Variants in FOCAD observed in about 807,000 individuals in gnomAD.
FOCAD encodes the protein focadhesin, also known as KIAA1797.
A neutral mutation model predicts 225.6 loss-of-function variants in FOCAD; 198 were observed. That is an observed-to-expected ratio of 0.88 (90% CI 0.78 to 0.99). FOCAD has a LOEUF of 0.99. FOCAD is among the 50% of genes least tolerant of loss of function. The pLI is 0.00. For synonymous variants in FOCAD, 897 were observed against 755.0 expected (o/e 1.19, Z -3.08); for missense variants, 2,713 against 2,123.6 (o/e 1.28, Z -5.46).
At chr9:20,702,309 G>C (rs1241559634) in intron 1 of FOCAD, among the ~76,000 whole-genome samples, 1 of 152,036 alleles carries the variant, frequency 6.6e-6, no homozygotes, top group Non-Finnish European at 1.5e-5. Context: ...TCACTATGTT[G>C]CCTAGGTTGA....
intron 11 of FOCAD, among the ~76,000 whole-genome samples, chr9:20,809,513 A>G (rs890909948): frequency 1.3e-5 from 2 of 152,134 alleles, no homozygotes; most frequent in African/African-American, 2.4e-5. Context: ...GTATTGGGCA[A>G]CCTAGCTCTA....
upstream of FOCAD, among the ~76,000 whole-genome samples, chr9:20,681,945 C>T (rs1227343617): frequency 6.6e-6 from 1 of 152,278 alleles, no homozygotes; most frequent in East Asian, 1.9e-4. Flanking sequence ...CTGTGGCCTA[C>T]ATGTTTGTGT....
intron 21 of FOCAD, among the ~76,000 whole-genome samples, chr9:20,889,343 G>T (rs1831407616): frequency 6.6e-6 from 1 of 152,098 alleles, no homozygotes; most frequent in African/African-American, 2.4e-5. Context: ...ATACTTCTCT[G>T]CATGGATATA....
At chr9:20,763,206 G>A (rs1461438494) in intron 6 of FOCAD, among the ~76,000 whole-genome samples, 2 of 152,154 alleles carry the variant, frequency 1.3e-5, no homozygotes, top group African/African-American at 4.8e-5. Flanking sequence ...AAATGATTGA[G>A]CATCTCTTTG....
At chr9:20,923,546 T>A in intron 24 of FOCAD, 114 bp from the exon 25 acceptor site, 1 of 672,662 alleles carries the variant, frequency 1.5e-6, no homozygotes. Context: ...TTTACAAGAC[T>A]CTGTGAAGGA....
intron 19 of FOCAD, among the ~76,000 whole-genome samples, chr9:20,876,089 C>A (rs1325369699): frequency 2.0e-5 from 3 of 152,114 alleles, no homozygotes; most frequent in Non-Finnish European, 4.4e-5. Context: ...GACAAAGCTC[C>A]TTTTACAGTT....
chr9:20,777,486 T>C (rs889509381), intron 8 of FOCAD, among the ~76,000 whole-genome samples: 9 of 152,134 alleles, frequency 5.9e-5, no homozygotes, highest in African/African-American at 1.9e-4. Context: ...TATTAATATT[T>C]ATTAAAACCT....
At chr9:20,704,488 A>G (rs186949460) in intron 1 of FOCAD, among the ~76,000 whole-genome samples, 3 of 152,342 alleles carry the variant, frequency 2.0e-5, no homozygotes, top group Admixed American at 6.5e-5. Flanking sequence ...ATCAGTCTAT[A>G]TAGTTCTTTT....
chr9:20,922,777 G>T (rs932835609), intron 24 of FOCAD, among the ~76,000 whole-genome samples: 3 of 152,232 alleles, frequency 2.0e-5, no homozygotes, highest in South Asian at 4.1e-4. Flanking sequence ...CGATCTGATG[G>T]TATGGGTGCT....
At chr9:20,928,088 A>G (rs1340893153) in intron 26 of FOCAD, among the ~76,000 whole-genome samples, 4 of 152,198 alleles carry the variant, frequency 2.6e-5, no homozygotes, top group African/African-American at 9.6e-5. Flanking sequence ...AAAACTTTAG[A>G]TGCTTATGGA....
At chr9:20,817,299 G>A (rs1045151374) in intron 11 of FOCAD, among the ~76,000 whole-genome samples, 2 of 151,910 alleles carry the variant, frequency 1.3e-5, no homozygotes, top group Admixed American at 6.6e-5. Flanking sequence ...TTACTACAAC[G>A]AATTTGAGAA....
intron 26 of FOCAD, among the ~76,000 whole-genome samples, chr9:20,928,267 C>T (rs1835145838): frequency 6.6e-6 from 1 of 152,018 alleles, no homozygotes; most frequent in South Asian, 2.1e-4. Context: ...TTTTCAAAGC[C>T]CTGTTTTAAA....
At chr9:20,870,048 GTT>G in intron 18 of FOCAD, among the ~76,000 whole-genome samples, 1 of 152,218 alleles carries the variant, frequency 6.6e-6, no homozygotes, top group East Asian at 1.9e-4. Flanking sequence ...CTATGGAGAA[GTT>G]TCCTTGTTAA....
chr9:20,671,177 G>T (rs147061334), intron 2 of FOCAD, among the ~76,000 whole-genome samples: 1 of 151,514 alleles, frequency 6.6e-6, no homozygotes, highest in South Asian at 2.1e-4. Context: ...AATATGTCAG[G>T]CCAATTAGAA....
At chr9:20,689,656 G>C (rs1822863074) in intron 1 of FOCAD, among the ~76,000 whole-genome samples, 1 of 152,184 alleles carries the variant, frequency 6.6e-6, no homozygotes, top group Admixed American at 6.5e-5. Flanking sequence ...AGCTTGGGAA[G>C]GAGTGAGAGA....
At chr9:20,813,383 A>G (rs1823295852) in intron 11 of FOCAD, among the ~76,000 whole-genome samples, 1 of 152,136 alleles carries the variant, frequency 6.6e-6, no homozygotes. Context: ...CAACCTCAAG[A>G]TCGATCATAG....
At chr9:20,948,495 T>A in intron 31 of FOCAD, 102 bp downstream of exon 31, 2 of 1,264,262 alleles carry the variant, frequency 1.6e-6, no homozygotes, top group Non-Finnish European at 2.2e-6. Flanking sequence ...ACGTTAATGG[T>A]AAAAGAATAG....
At chr9:20,944,863 C>G (rs1837030594) in intron 29 of FOCAD, 89 bp downstream of exon 29, 4 of 1,325,536 alleles carry the variant, frequency 3.0e-6, no homozygotes, top group Non-Finnish European at 4.0e-6. Flanking sequence ...TTTTGGTAAC[C>G]CTATAAATTA....
intron 21 of FOCAD, among the ~76,000 whole-genome samples, chr9:20,891,436 A>G (rs1018651254): frequency 6.6e-6 from 1 of 152,340 alleles, no homozygotes; most frequent in South Asian, 2.1e-4. Flanking sequence ...TTTGAATGCA[A>G]AGAAAAGGTT....
Sources: gnomAD v4.1 joint callset for allele counts (sites outside exome capture counted in the v4.1 genomes callset) on GRCh38, gnomAD v4.1.1 for gene constraint, MANE v1.5 for transcripts, NCBI Gene and HGNC (gene_info 2026-07-23, HGNC 2026-07-21) for gene names.